COL28A1: variants seen among roughly 807,000 people sequenced by gnomAD.
COL28A1 encodes the protein collagen type XXVIII alpha 1 chain, also known as collagen alpha-1(XXVIII) chain.
In COL28A1, 161 loss-of-function variants were observed where a neutral mutation model predicts 150.2. The ratio of observed to expected loss-of-function variants is 1.07; its 90% CI spans 0.94 to 1.22. The LOEUF (loss-of-function observed/expected upper bound fraction) is 1.22. Among genes scored for constraint, COL28A1 ranks in the 50% most tolerant of loss-of-function variants. The probability of loss-of-function intolerance (pLI) is 0.00; values close to 1 mark genes in which losing one functional copy is unlikely to be tolerated. For missense variants in COL28A1, 1,617 were observed against 1,388.3 expected (o/e 1.16, Z -2.62); for synonymous variants, 552 against 469.7 (o/e 1.18, Z -2.26).
At chr7:7,427,424 C>T (rs866413459) in intron 25 of COL28A1, among the ~76,000 whole-genome samples, 3 of 152,174 alleles carry the variant, frequency 2.0e-5, no homozygotes, top group African/African-American at 7.2e-5. Context: ...AGTCTGTATC[C>T]TAGGCCAGCC....
At chr7:7,433,703 T>C (rs1381838574) in intron 23 of COL28A1, among the ~76,000 whole-genome samples, 2 of 152,144 alleles carry the variant, frequency 1.3e-5, no homozygotes, top group Non-Finnish European at 2.9e-5. Context: ...TTGTAATACT[T>C]CTTTTTACAA....
chr7:7,464,284 A>G (rs1787874823), intron 15 of COL28A1, among the ~76,000 whole-genome samples: 1 of 152,208 alleles, frequency 6.6e-6, no homozygotes, highest in Non-Finnish European at 1.5e-5. Flanking sequence ...GAAATAATGG[A>G]TTTAAACTAT....
At chr7:7,540,375 C>T (rs1489736987), upstream of COL28A1, among the ~76,000 whole-genome samples, 3 of 152,100 alleles carry the variant, frequency 2.0e-5, no homozygotes, top group Admixed American at 6.5e-5. Context: ...ATTTGATAAC[C>T]ACTGATTGGT....
At chr7:7,453,808 T>C (rs1277608753) in intron 16 of COL28A1, among the ~76,000 whole-genome samples, 2 of 138,044 alleles carry the variant, frequency 1.4e-5, no homozygotes, top group South Asian at 4.1e-4. Flanking sequence ...AATGAAGTGA[T>C]GTGTGTAACT....
At chr7:7,501,062 G>C (rs1780495923) in intron 11 of COL28A1, among the ~76,000 whole-genome samples, 2 of 152,158 alleles carry the variant, frequency 1.3e-5, no homozygotes, top group Non-Finnish European at 2.9e-5. Flanking sequence ...GGCCAGTCTA[G>C]TGCTATTTCT....
chr7:7,379,712 G>C (rs191054380), intron 30 of COL28A1, among the ~76,000 whole-genome samples: 1 of 152,148 alleles, frequency 6.6e-6, no homozygotes, highest in Non-Finnish European at 1.5e-5. Flanking sequence ...CCCCACGTTG[G>C]GACAGTAGGG....
At chr7:7,351,924 T>C (rs1371696228), downstream of COL28A1, among the ~76,000 whole-genome samples, 1 of 152,122 alleles carries the variant, frequency 6.6e-6, no homozygotes. Flanking sequence ...GGAGCCATAC[T>C]TGTCTCATTC....
intron 25 of COL28A1, among the ~76,000 whole-genome samples, chr7:7,428,627 C>T (rs563907770): frequency 6.6e-6 from 1 of 152,304 alleles, no homozygotes; most frequent in East Asian, 1.9e-4. Flanking sequence ...AGAAGAAAAG[C>T]AGGCTGTGAT....
intron 18 of COL28A1, 149 bp downstream of exon 18, chr7:7,452,170 G>A: frequency 8.7e-7 from 1 of 1,156,024 alleles, no homozygotes; most frequent in Non-Finnish European, 1.2e-6. Flanking sequence ...AGCTTTTGCA[G>A]TAGTAGTAGC....
intron 26 of COL28A1, 85 bp downstream of exon 26, chr7:7,419,800 C>A: frequency 2.4e-6 from 2 of 817,756 alleles, no homozygotes; most frequent in Non-Finnish European, 3.6e-6. Context: ...AACACCAAGA[C>A]GAACACTTAT....
intron 26 of COL28A1, among the ~76,000 whole-genome samples, chr7:7,418,498 T>C (rs1369949869): frequency 2.0e-5 from 3 of 152,150 alleles, no homozygotes; most frequent in South Asian, 4.1e-4. Flanking sequence ...GATTGGAAAA[T>C]AGCATGCGCT....
At chr7:7,483,448 G>A (rs1424743293) in intron 13 of COL28A1, among the ~76,000 whole-genome samples, 1 of 152,062 alleles carries the variant, frequency 6.6e-6, no homozygotes, top group Non-Finnish European at 1.5e-5. Context: ...GGCTCATAAT[G>A]ACTAAAAATT....
chr7:7,361,512 T>C (rs555562077), intron 33 of COL28A1, among the ~76,000 whole-genome samples: 29 of 152,354 alleles, frequency 1.9e-4, no homozygotes, highest in African/African-American at 7.0e-4. Context: ...TATTGTTTCC[T>C]GACTTTTTAA....
At chr7:7,388,971 C>A (rs1460252578) in intron 27 of COL28A1, among the ~76,000 whole-genome samples, 1 of 152,106 alleles carries the variant, frequency 6.6e-6, no homozygotes, top group Non-Finnish European at 1.5e-5. Flanking sequence ...ATGATAGTTT[C>A]TTTTGCTGTG....
Position 7,360,375 on chromosome 7 carries a change from T to A in COL28A1, c.3205+15A>T, listed in dbSNP as rs2128277795. On this transcript the variant is annotated intron_variant, in intron 34 of 34. Coordinates refer to ENST00000399429, the MANE Select transcript of COL28A1 (RefSeq NM_001037763.3). ...TGTAGAATCAAAATGGGACTTGGAGTTCTGGTTTACCTACCCTCTGCCCCA... is the reference window on the plus strand; with the variant it reads ...TGTAGAATCAAAATGGGACTTGGAGATCTGGTTTACCTACCCTCTGCCCCA... The A allele has an allele frequency of 6.5e-7, 1 of 1,530,102 alleles. No individual in the cohort carries two copies. The highest frequency in any genetic ancestry group is 1.3e-5 in the South Asian group (1 of 77,790). The allele number at this position is 1,530,102 out of a possible 1,614,324, so 94.8% of individuals were successfully genotyped here.
chr7:7,364,599 T>G (rs1242983132), intron 33 of COL28A1, among the ~76,000 whole-genome samples: 1 of 152,196 alleles, frequency 6.6e-6, no homozygotes, highest in Non-Finnish European at 1.5e-5. Flanking sequence ...CTCATCTCCA[T>G]GCTCCTATGT....
chr7:7,536,337 T>C (rs1041819258), upstream of COL28A1, among the ~76,000 whole-genome samples: 3 of 152,152 alleles, frequency 2.0e-5, no homozygotes, highest in Non-Finnish European at 4.4e-5. Flanking sequence ...AAAAGGTATA[T>C]ATAATATACA....
chr7:7,432,165 G>C (rs916471596), intron 25 of COL28A1, among the ~76,000 whole-genome samples: 18 of 152,302 alleles, frequency 1.2e-4, no homozygotes, highest in African/African-American at 3.1e-4. Flanking sequence ...GGCTGGACGA[G>C]AGTATCTAGG....
Position 7,531,730 on chromosome 7 carries a change from C to T in COL28A1, c.299G>A (p.Ser100Asn), listed in dbSNP as rs1274295174. ...DIKLAALQFSSSVQIDPPFSS... is the reference protein window; with the variant it reads ...DIKLAALQFSNSVQIDPPFSS... ...AAAAGGTGGATCAATTTGGACAGAG[C>T]TGCTAAACTGAAGGGCTGCCAGTTT... Residue 100 changes from serine (S) to asparagine (N), a missense_variant, in exon 3 of 35, where the codon AGC becomes AAC. By Grantham distance (46) the Ser-to-Asn change is conservative. Transcript: ENST00000399429. 1.2e-6 allele frequency: 2 copies of T among 1,607,614 alleles called. No homozygotes were observed. Among genetic ancestry groups the T allele is most frequent in the Non-Finnish European group, 1.7e-6 (2 of 1,174,004 alleles).
Sources: allele counts gnomAD v4.1 joint callset (sites outside exome capture counted in the v4.1 genomes callset), GRCh38; gene constraint gnomAD v4.1.1; transcripts MANE v1.5; gene names NCBI Gene and HGNC (gene_info 2026-07-23, HGNC 2026-07-21).